Variants in TCF4 observed in about 807,000 individuals in gnomAD.
TCF4 encodes SL3-3 enhancer factor 2.
Under a neutral mutation model 82.1 loss-of-function variants are expected in TCF4, and 3 were observed. That is an observed-to-expected ratio of 0.04 (90% CI 0.02 to 0.09). The LOEUF is 0.09. Among genes scored for constraint, TCF4 ranks in the 10% least tolerant of loss-of-function variants. The pLI, the probability that TCF4 is intolerant of heterozygous loss-of-function variation, is 1.00. For synonymous variants in TCF4, 276 were observed against 309.6 expected, an observed-to-expected ratio of 0.89 and a Z score of 1.14; for missense variants, 518 against 852.7, an observed-to-expected ratio of 0.61 and a Z score of 4.89.
At chr18:55,412,179 C>G (rs2094372546) in intron 5 of TCF4, among the ~76,000 whole-genome samples, 1 of 152,056 alleles carries the variant, frequency 6.6e-6, no homozygotes, top group African/African-American at 2.4e-5. Context: ...TGGTAGATAA[C>G]AAAAAGTAGA....
chr18:55,279,617 C>A lies in TCF4; in HGVS notation c.589G>T (p.Asp197Tyr). Residue 197 changes from aspartate to tyrosine, a missense_variant, in exon 9 of 20, where the codon GAC becomes TAC. Transcript: ENST00000354452. ...TTGGAGGAAGGATAGCCTGGCGAGT[C>A]CCTATTGTAGTCGGCAGTGCTTGCT... ...PSASTADYNRDSPGYPSSKPA... is the reference protein window; with the variant it reads ...PSASTADYNRYSPGYPSSKPA... 6.2e-7 allele frequency: 1 copy of A among 1,613,956 alleles called. No individual in the cohort carries two copies.
intron 3 of TCF4, among the ~76,000 whole-genome samples, chr18:55,558,219 C>A (rs2097322610): frequency 6.6e-6 from 1 of 151,870 alleles, no homozygotes; most frequent in Non-Finnish European, 1.5e-5. Flanking sequence ...TAAAAAAAAT[C>A]AAAAACTAAA....
chr18:55,228,424 T>G lies in TCF4; in HGVS notation c.1880-63A>C, dbSNP rs1422997279. The G allele has an allele frequency of 3.7e-6, 6 of 1,601,930 alleles. No homozygotes were observed. The East Asian group carries it at 1.1e-4, about 30-fold the overall frequency. ...TGAGGCTTCTGGCAGAGGGCAGCAA[T>G]GCACTCTTCTTGCGTGTCTGACCTT... On this transcript the variant is annotated intron_variant, in intron 18 of 19. Coordinates refer to ENST00000354452, the MANE Select transcript of TCF4 (RefSeq NM_001083962.2).
intron 8 of TCF4, among the ~76,000 whole-genome samples, chr18:55,327,037 T>A (rs1245507386): frequency 6.6e-6 from 1 of 152,134 alleles, no homozygotes; most frequent in East Asian, 1.9e-4. Context: ...GACAATAACT[T>A]GAGACAGCCT....
At chr18:55,292,285 T>C (rs1186580218) in intron 8 of TCF4, among the ~76,000 whole-genome samples, 1 of 152,182 alleles carries the variant, frequency 6.6e-6, no homozygotes, top group Non-Finnish European at 1.5e-5. Context: ...AATGACCCTT[T>C]CATATTTCTT....
rs547028310 is a variant in TCF4, at chr18:55,224,402, C to T, written c.*3633G>A. 2.6e-5 allele frequency: 4 copies of T among 152,606 alleles called. No homozygotes were observed. Among genetic ancestry groups the T allele is most frequent in the African/African-American group, 9.6e-5 (4 of 41,516 alleles). 9.5% of individuals were successfully genotyped at this position (152,606 alleles called of 1,614,324 possible). On this transcript the variant is annotated 3_prime_UTR_variant, in exon 20 of 20. Coordinates refer to ENST00000354452, the MANE Select transcript of TCF4 (RefSeq NM_001083962.2). ...AGAGAGGCCTAAAGGCCTTGGTGCC[C>T]CATTGTGTTGGAATTCATCATATTC...
At chr18:55,409,580 A>AT (rs1323780180) in intron 5 of TCF4, among the ~76,000 whole-genome samples, 1 of 152,142 alleles carries the variant, frequency 6.6e-6, no homozygotes, top group African/African-American at 2.4e-5. Context: ...TTTTGTGTCT[A>AT]TTAATACAAG....
intron 6 of TCF4, among the ~76,000 whole-genome samples, chr18:55,352,233 G>A (rs781653347): frequency 1.3e-5 from 2 of 152,070 alleles, no homozygotes; most frequent in Non-Finnish European, 2.9e-5. Context: ...CAGTCTTTTT[G>A]ATTCCTAAAT....
intron 6 of TCF4, among the ~76,000 whole-genome samples, chr18:55,356,499 G>A (rs756000385): frequency 6.6e-6 from 1 of 152,070 alleles, no homozygotes; most frequent in Non-Finnish European, 1.5e-5. Flanking sequence ...GCTTTTGCAC[G>A]CATGAGCAAA....
At chr18:55,599,452 G>A (rs2097694414) in intron 2 of TCF4, among the ~76,000 whole-genome samples, 1 of 152,192 alleles carries the variant, frequency 6.6e-6, no homozygotes, top group Non-Finnish European at 1.5e-5. Flanking sequence ...TGGGTGCAAT[G>A]GCTCATGCCT....
At chr18:55,542,979 C>T (rs2097177311) in intron 3 of TCF4, among the ~76,000 whole-genome samples, 1 of 152,038 alleles carries the variant, frequency 6.6e-6, no homozygotes, top group African/African-American at 2.4e-5. Flanking sequence ...TACTGTCAAG[C>T]ACTAAGCAAA....
In TCF4 at chr18:55,232,583, G is replaced by A. The variant is rs767210776; in HGVS notation, c.1575C>T (p.Asp525=). Reference sequence around the variant, plus strand: ...ATTTCTTGTCCTCCGAAGATTTCGTGTCTTGCAGGTTCTCATCACCCTCGT... The same window carrying A: ...ATTTCTTGTCCTCCGAAGATTTCGTATCTTGCAGGTTCTCATCACCCTCGT... ...SDDEGDENLQ[D]TKSSEDKKLD... Residue 525 remains aspartate (D), a synonymous_variant, in exon 17 of 20, where the codon GAC becomes GAT. Coordinates refer to ENST00000354452, the MANE Select transcript of TCF4 (RefSeq NM_001083962.2). 6.2e-7 allele frequency: 1 copy of A among 1,614,144 alleles called. No homozygotes were observed. The highest frequency in any genetic ancestry group is 8.5e-7 in the Non-Finnish European group (1 of 1,180,014).
chr18:55,463,277 C>T (rs1243928319), intron 4 of TCF4, among the ~76,000 whole-genome samples: 3 of 152,146 alleles, frequency 2.0e-5, no homozygotes, highest in African/African-American at 7.2e-5. Flanking sequence ...GGAAGAAACA[C>T]AGATGATCCT....
At chr18:55,493,656 G>C (rs1222197192) in intron 3 of TCF4, among the ~76,000 whole-genome samples, 1 of 152,058 alleles carries the variant, frequency 6.6e-6, no homozygotes, top group Non-Finnish European at 1.5e-5. Flanking sequence ...TAAATTACTT[G>C]ATGAATCTTA....
intron 6 of TCF4, among the ~76,000 whole-genome samples, chr18:55,383,214 A>G (rs544412853): frequency 6.6e-6 from 1 of 152,350 alleles, no homozygotes; most frequent in Admixed American, 6.5e-5. Flanking sequence ...AGTCTGAAAC[A>G]AATTACTCAA....
chr18:55,358,857 CT>C (rs1159384851), intron 6 of TCF4, among the ~76,000 whole-genome samples: 1 of 152,110 alleles, frequency 6.6e-6, no homozygotes, highest in Non-Finnish European at 1.5e-5. Context: ...AACTCCTTGC[CT>C]GGGAAATGTT....
At chr18:55,586,178 AG>A (rs879522127) in intron 2 of TCF4, 73,998 of 610,576 alleles carry the variant, frequency 0.12, 10,900 homozygotes, top group Admixed American at 0.33. Context: ...CAGCAGCAGC[AG>A]CAGCAGCAGC....
At chr18:55,534,597 C>T (rs1046177163) in intron 3 of TCF4, among the ~76,000 whole-genome samples, 2 of 152,174 alleles carry the variant, frequency 1.3e-5, no homozygotes, top group Non-Finnish European at 2.9e-5. Flanking sequence ...AGCAGAGTAG[C>T]GGCTGGGACT....
chr18:55,463,976 G>GTGTGTGTC, intron 4 of TCF4, 100 bp downstream of exon 4: 1 of 229,840 alleles, frequency 4.4e-6, no homozygotes, highest in African/African-American at 4.4e-5. Flanking sequence ...GTGTGTGTGT[G>GTGTGTGTC]TGAGAGAGAG....
Sources: allele counts gnomAD v4.1 joint callset (sites outside exome capture counted in the v4.1 genomes callset), GRCh38; gene constraint gnomAD v4.1.1; transcripts MANE v1.5; gene names NCBI Gene and HGNC (gene_info 2026-07-23, HGNC 2026-07-21).